Variants in DOCK7 observed in about 807,000 individuals in gnomAD.
DOCK7 encodes the protein dedicator of cytokinesis protein 7.
Under a neutral mutation model 271.0 loss-of-function variants are expected in DOCK7, and 138 were observed. The ratio of observed to expected loss-of-function variants is 0.51; its 90% CI spans 0.44 to 0.59. The LOEUF (loss-of-function observed/expected upper bound fraction) is 0.59, where lower values mean the gene tolerates loss of function less well. Among genes scored for constraint, DOCK7 ranks in the 20% least tolerant of loss-of-function variants. DOCK7 has a pLI of 0.00. For synonymous variants in DOCK7, 823 were observed against 876.1 expected (o/e 0.94, Z 1.07); for missense variants, 2,066 against 2,592.4 (o/e 0.80, Z 4.41).
At chr1:62,584,871 C>T (rs1289712423) in intron 15 of DOCK7, 2 of 716,998 alleles carry the variant, frequency 2.8e-6, no homozygotes, top group Non-Finnish European at 5.2e-6. Flanking sequence ...ATGGGTGCAG[C>T]TGGGGCTCTG....
intron 1 of DOCK7, among the ~76,000 whole-genome samples, chr1:62,682,272 CTG>C (rs1661255238): frequency 6.6e-6 from 1 of 152,180 alleles, no homozygotes; most frequent in Admixed American, 6.5e-5. Context: ...ATGATGAAAG[CTG>C]TGTTTTAGGG....
intron 2 of DOCK7, among the ~76,000 whole-genome samples, chr1:62,655,172 G>A (rs1352564259): frequency 6.6e-6 from 1 of 152,104 alleles, no homozygotes; most frequent in African/African-American, 2.4e-5. Flanking sequence ...CTTCAGCCAA[G>A]TTTTTAACCA....
intron 15 of DOCK7, among the ~76,000 whole-genome samples, chr1:62,583,631 G>C (rs1269842476): frequency 6.6e-6 from 1 of 152,078 alleles, no homozygotes; most frequent in East Asian, 1.9e-4. Flanking sequence ...TATACAAATT[G>C]TTGGCTTCAA....
intron 20 of DOCK7, among the ~76,000 whole-genome samples, chr1:62,556,644 T>C (rs969579865): frequency 6.6e-6 from 1 of 152,030 alleles, no homozygotes; most frequent in African/African-American, 2.4e-5. Context: ...TTTACAAAAA[T>C]TGGAGAATTG....
intron 48 of DOCK7, among the ~76,000 whole-genome samples, chr1:62,460,530 T>C (rs1195590674): frequency 1.3e-5 from 2 of 152,132 alleles, no homozygotes; most frequent in African/African-American, 4.8e-5. Context: ...ATATTAAACT[T>C]GTCTTCAGAT....
Position 62,567,930 on chromosome 1 carries a change from C to T in DOCK7, c.2113-6227G>A, listed in dbSNP as rs12066503. On this transcript the variant is annotated intron_variant, in intron 18 of 49. Coordinates refer to ENST00000635253, the MANE Select transcript of DOCK7 (RefSeq NM_001367561.1). ...CCTGATAGATATCTACAGAACTCTC[C>T]ATCCCAAAACAACAGAATATACAAT... Among the ~76,000 whole-genome samples, 424 of 152,124 alleles carry T rather than the reference C, an allele frequency of 2.8e-3. 3 individuals are homozygous for T. Among genetic ancestry groups the T allele is most frequent in the African/African-American group, 9.6e-3 (400 of 41,500 alleles).
chr1:62,454,954 T>TTTAA lies in DOCK7; in HGVS notation c.*456_*459dup. On this transcript the variant is annotated 3_prime_UTR_variant, in exon 50 of 50. Transcript: ENST00000635253. ...TTGGAACTAGTTCTTGAGTCAACCC[T>TTTAA]TTAATTGTTCTCTGCCATTGTCAAT... 1 of 339,522 alleles carries TTTAA rather than the reference T, an allele frequency of 2.9e-6. No individual in the cohort carries two copies. Among genetic ancestry groups the TTTAA allele is most frequent in the East Asian group, 4.3e-5 (1 of 23,276 alleles). The allele number at this position is 339,522 out of a possible 1,614,324, so 21.0% of individuals were successfully genotyped here. A position where few individuals can be genotyped will look rare whatever the true frequency, so the allele number is the denominator to read the frequency against.
intron 14 of DOCK7, chr1:62,605,819 C>T (rs562029622): frequency 2.0e-5 from 3 of 152,054 alleles, no homozygotes; most frequent in Non-Finnish European, 4.4e-5. Context: ...GCATGTTTAT[C>T]GACATCACAA....
In DOCK7 at chr1:62,510,591, T is replaced by C. The variant is rs531128824; in HGVS notation, c.4365A>G (p.Thr1455=). The C allele has an allele frequency of 2.5e-6, 4 of 1,613,152 alleles. No individual in the cohort carries two copies. Among genetic ancestry groups the C allele is most frequent in the Non-Finnish European group, 3.4e-6 (4 of 1,179,490 alleles). ...RKDMTHWRQN[T]EKLDKSRAEI... ...AGCTGTATTACTTGTCAAGCTTCTC[T>C]GTGTTTTGACGCCAGTGAGTCATAT... Residue 1455 remains threonine, a synonymous_variant, in exon 34 of 50, where the codon ACA becomes ACG. Transcript: ENST00000635253.
chr1:62,459,264 GAC>G (rs1272855487), intron 48 of DOCK7: 1 of 145,256 alleles, frequency 6.9e-6, no homozygotes, highest in African/African-American at 2.5e-5. Context: ...TTTTTTTTGA[GAC>G]AGTGTTGCTC....
intron 48 of DOCK7, among the ~76,000 whole-genome samples, chr1:62,471,483 G>A (rs1375399490): frequency 2.0e-5 from 3 of 152,134 alleles, no homozygotes; most frequent in African/African-American, 7.2e-5. Context: ...GCAACATAGC[G>A]AGACTTCATC....
At chr1:62,604,385 G>A in intron 14 of DOCK7, 1 of 1,016,788 alleles carries the variant, frequency 9.8e-7, no homozygotes, top group East Asian at 2.6e-5. Flanking sequence ...TATAATGAAA[G>A]TGTTCATTCT....
At chr1:62,638,217 C>T (rs575517386) in intron 7 of DOCK7, 1 of 152,188 alleles carries the variant, frequency 6.6e-6, no homozygotes, top group Non-Finnish European at 1.5e-5. Flanking sequence ...AATGAGCACA[C>T]TGCCAAGTAT....
At chr1:62,652,872 T>C (rs984096259) in intron 4 of DOCK7, among the ~76,000 whole-genome samples, 2 of 152,208 alleles carry the variant, frequency 1.3e-5, no homozygotes, top group African/African-American at 4.8e-5. Context: ...ACTGTGCTTT[T>C]ATTAGGTCAC....
chr1:62,479,481 A>G (rs1403646228), intron 43 of DOCK7, among the ~76,000 whole-genome samples: 1 of 152,180 alleles, frequency 6.6e-6, no homozygotes, highest in African/African-American at 2.4e-5. Context: ...AGATTGAATG[A>G]TTCAACTAAA....
chr1:62,503,577 C>T (rs889390644), intron 37 of DOCK7, among the ~76,000 whole-genome samples: 7 of 151,974 alleles, frequency 4.6e-5, no homozygotes, highest in Non-Finnish European at 8.8e-5. Context: ...TAGCTGCGAC[C>T]ACAGGCACAG....
chr1:62,668,843 T>G (rs1659608103), intron 1 of DOCK7, among the ~76,000 whole-genome samples: 2 of 151,238 alleles, frequency 1.3e-5, no homozygotes, highest in African/African-American at 4.9e-5. Flanking sequence ...GAGGACAGCT[T>G]GAGCCCAGGA....
chr1:62,634,650 A>C, intron 9 of DOCK7, 123 bp downstream of exon 9: 1 of 1,043,900 alleles, frequency 9.6e-7, no homozygotes, highest in Non-Finnish European at 1.4e-6. Context: ...ATATTGTGTT[A>C]AAGAATATCA....
chr1:62,604,296 T>G, intron 14 of DOCK7: 1 of 1,587,638 alleles, frequency 6.3e-7, no homozygotes, highest in Non-Finnish European at 8.6e-7. Flanking sequence ...CCCACATTAT[T>G]AGCTATTATC....
Sources: allele counts gnomAD v4.1 joint callset (sites outside exome capture counted in the v4.1 genomes callset), GRCh38; gene constraint gnomAD v4.1.1; transcripts MANE v1.5; gene names NCBI Gene and HGNC (gene_info 2026-07-23, HGNC 2026-07-21).